The following MED12L variants were observed in gnomAD, a reference collection of about 807,000 sequenced individuals.
The protein encoded by MED12L is mediator complex subunit 12L, also known as mediator of RNA polymerase II transcription subunit 12-like protein.
A neutral mutation model predicts 281.3 loss-of-function variants in MED12L; 60 were observed. That is an observed-to-expected ratio of 0.21 (90% CI 0.17 to 0.26). MED12L has a LOEUF of 0.26. MED12L is among the 10% of genes least tolerant of loss of function. The pLI is 1.00. For missense variants in MED12L, 2,146 were observed against 2,680.9 expected, an observed-to-expected ratio of 0.80 and a Z score of 4.41; for synonymous variants, 974 against 987.2, an observed-to-expected ratio of 0.99 and a Z score of 0.25.
Position 151,350,072 on chromosome 3 carries a change from G to T in MED12L, c.2264G>T (p.Ser755Ile). 6.2e-7 allele frequency: 1 copy of T among 1,610,292 alleles called. No homozygotes were observed. The highest frequency in any genetic ancestry group is 1.1e-5 in the South Asian group (1 of 90,670). The change falls in exon 17 of 45, where the codon AGT becomes ATT. Residue 755 changes from serine (S) to isoleucine (I), a missense_variant. Around this residue, in one of 9 missense-constraint regions of MED12L, gnomAD observed 404 missense variants for 603.5 expected, o/e 0.67. Coordinates refer to ENST00000687756, the MANE Select transcript of MED12L (RefSeq NM_001393769.1). The stretch of plus-strand genomic sequence containing the variant: ...TCTGTTTTTCAGGATGAATCTTCAA[G>T]TCATGAATGTAACCAGCGCACAATC... ...HFPIPLDESS[S>I]HECNQRTILL... is the part of the protein sequence containing the mutation.
In MED12L at chr3:151,221,004, G is replaced by A. The variant is rs146569896; in HGVS notation, c.2250+27338G>A. ...TGCCTTTGCCCAAAATGCTGATAGT[G>A]ATATGGACGATAAAGTCCAGGGTGA... On this transcript the variant is annotated intron_variant, in intron 16 of 44. Transcript: ENST00000687756. Among the ~76,000 whole-genome samples, 547 of 152,306 alleles carry A rather than the reference G, an allele frequency of 3.6e-3. 3 individuals carry two copies. The highest frequency in any genetic ancestry group is 0.013 in the African/African-American group (526 of 41,572).
At position 151,128,087 on chromosome 3, in the gene MED12L, G is replaced by C. The variant is rs189719287; in HGVS notation, c.556+103G>C. On this transcript the variant is annotated intron_variant, in intron 5 of 44. Coordinates refer to ENST00000687756, the MANE Select transcript of MED12L (RefSeq NM_001393769.1). ...AGCCCAGCATGGTGAGTGTTGAGAA[G>C]GTCCGTGGTGAGACTGATTTGCTCG... is the stretch of plus-strand genomic sequence containing the variant. 3.2e-4 allele frequency: 334 copies of C among 1,029,450 alleles called. 1 individual carries two copies. The African/African-American group carries it at 4.2e-3, about 13-fold the overall frequency. The allele number at this position is 1,029,450 out of a possible 1,614,324, so 63.8% of individuals were successfully genotyped here.
At chr3:151,336,584 T>C (rs1027406446) in intron 16 of MED12L, 10 of 455,294 alleles carry the variant, frequency 2.2e-5, no homozygotes, top group Non-Finnish European at 4.4e-5. Flanking sequence ...GATGTAAACT[T>C]CCACATGTGT....
intron 16 of MED12L, among the ~76,000 whole-genome samples, chr3:151,208,420 C>T (rs759904137): frequency 3.9e-5 from 6 of 152,216 alleles, no homozygotes; most frequent in Non-Finnish European, 7.3e-5. Flanking sequence ...CGGGCGCTCA[C>T]GCCTGTCATC....
intron 16 of MED12L, among the ~76,000 whole-genome samples, chr3:151,317,374 A>G (rs77876805): frequency 0.027 from 4,023 of 149,638 alleles, 85 homozygotes; most frequent in Non-Finnish European, 0.043. Flanking sequence ...TTTAACATAA[A>G]ACAATTTATT....
At chr3:151,284,863 C>T (rs535518104) in intron 16 of MED12L, among the ~76,000 whole-genome samples, 1 of 152,280 alleles carries the variant, frequency 6.6e-6, no homozygotes, top group African/African-American at 2.4e-5. Context: ...CCACCTTGGC[C>T]TCCCAAAGTG....
chr3:151,399,683 AATT>A (rs1205657935), intron 39 of MED12L, among the ~76,000 whole-genome samples: 4 of 152,250 alleles, frequency 2.6e-5, no homozygotes, highest in African/African-American at 9.6e-5. Context: ...ATGCTGCTTT[AATT>A]ATTTTCCACT....
intron 16 of MED12L, among the ~76,000 whole-genome samples, chr3:151,286,697 A>G (rs1349658233): frequency 6.6e-6 from 1 of 152,128 alleles, no homozygotes; most frequent in Non-Finnish European, 1.5e-5. Context: ...ATATTTTCCT[A>G]TGTATTGTGA....
At chr3:151,280,974 A>G (rs1246642807) in intron 16 of MED12L, among the ~76,000 whole-genome samples, 3 of 152,142 alleles carry the variant, frequency 2.0e-5, no homozygotes, top group East Asian at 1.9e-4. Flanking sequence ...TTTTGTGGAT[A>G]TGCTTAAATC....
At chr3:151,141,183 T>TG (rs1553808487) in intron 5 of MED12L, among the ~76,000 whole-genome samples, 3 of 123,026 alleles carry the variant, frequency 2.4e-5, no homozygotes, top group African/African-American at 1.4e-4. Context: ...TTTTTGTTTT[T>TG]TTTGTTTTTT....
intron 5 of MED12L, among the ~76,000 whole-genome samples, chr3:151,131,884 CTT>C (rs1386986109): frequency 6.6e-6 from 1 of 152,088 alleles, no homozygotes; most frequent in Non-Finnish European, 1.5e-5. Flanking sequence ...AAAGTTAAAA[CTT>C]TTATTTTTTG....
chr3:151,267,065 T>C (rs1156641694), intron 16 of MED12L, among the ~76,000 whole-genome samples: 1 of 152,228 alleles, frequency 6.6e-6, no homozygotes, highest in African/African-American at 2.4e-5. Flanking sequence ...TAAAATTGTC[T>C]GGGCAGCTCA....
intron 16 of MED12L, among the ~76,000 whole-genome samples, chr3:151,308,148 T>C (rs1453547931): frequency 1.3e-5 from 2 of 152,176 alleles, no homozygotes; most frequent in Non-Finnish European, 2.9e-5. Context: ...CTTAAACATA[T>C]TTCTTAAAAA....
intron 2 of MED12L, among the ~76,000 whole-genome samples, chr3:151,098,820 G>A (rs1721051361): frequency 6.6e-6 from 1 of 152,168 alleles, no homozygotes; most frequent in Non-Finnish European, 1.5e-5. Flanking sequence ...GGGTGTATTA[G>A]CCTGTTTTCA....
rs769656474 is a variant in MED12L, at chr3:151,378,054, C to T, written c.4359C>T (p.Ile1453=). 9 of 1,610,180 alleles carry T rather than the reference C, an allele frequency of 5.6e-6. No homozygotes were observed. In the East Asian group the frequency reaches 6.7e-5, roughly 12 times the overall value. ...GTGTATGGTTGGTGGCCCCCCTCATCGCCAGGTTGCCAACTTCTGTGCAAG... is the reference window on the plus strand; with the variant it reads ...GTGTATGGTTGGTGGCCCCCCTCATTGCCAGGTTGCCAACTTCTGTGCAAG... ...RRGVWLVAPL[I]ARLPTSVQGR... The change falls in exon 31 of 45, where the codon ATC becomes ATT. Residue 1453 remains isoleucine (I), a synonymous_variant. Transcript: ENST00000687756.
intron 16 of MED12L, among the ~76,000 whole-genome samples, chr3:151,235,513 G>T (rs1468038281): frequency 6.6e-6 from 1 of 152,086 alleles, no homozygotes; most frequent in East Asian, 1.9e-4. Context: ...AGACCATCAT[G>T]GCTAACATGG....
chr3:151,213,117 G>A, intron 16 of MED12L: 1 of 487,996 alleles, frequency 2.0e-6, no homozygotes, highest in Non-Finnish European at 3.6e-6. Context: ...AATTACTGAT[G>A]GGTATGTTTT....
At chr3:151,183,550 C>T (rs987789845) in intron 11 of MED12L, among the ~76,000 whole-genome samples, 5 of 152,242 alleles carry the variant, frequency 3.3e-5, no homozygotes, top group African/African-American at 1.2e-4. Context: ...TGTGGGCACA[C>T]TAGCTGTTGT....
intron 16 of MED12L, among the ~76,000 whole-genome samples, chr3:151,205,530 C>T (rs1048391447): frequency 5.9e-5 from 9 of 151,948 alleles, no homozygotes; most frequent in African/African-American, 1.9e-4. Context: ...TGTGCTTTTT[C>T]GGCATAGCAT....
Sources: allele counts gnomAD v4.1 joint callset (sites outside exome capture counted in the v4.1 genomes callset), GRCh38; gene constraint gnomAD v4.1.1; regional missense constraint gnomAD v4.1.1; transcripts MANE v1.5; gene names NCBI Gene and HGNC (gene_info 2026-07-23, HGNC 2026-07-21).